The following FAM219A variants were observed in gnomAD, a reference collection of about 807,000 sequenced individuals.
FAM219A encodes family with sequence similarity 219 member A, also known as protein FAM219A.
FAM219A carries 7 observed loss-of-function variants against 23.4 expected under a neutral mutation model. The ratio of observed to expected loss-of-function variants is 0.30; its 90% confidence interval spans 0.17 to 0.56. The LOEUF (loss-of-function observed/expected upper bound fraction) is 0.56. Among genes scored for constraint, FAM219A ranks in the 20% least tolerant of loss-of-function variants. The pLI is 0.92. For missense variants in FAM219A, 166 were observed against 246.9 expected, an observed-to-expected ratio of 0.67 and a Z score of 2.20; for synonymous variants, 93 against 99.0, an observed-to-expected ratio of 0.94 and a Z score of 0.36.
intron 1 of FAM219A, among the ~76,000 whole-genome samples, chr9:34,452,243 A>G (rs1358717168): frequency 1.3e-5 from 2 of 152,084 alleles, no homozygotes; most frequent in African/African-American, 2.4e-5. Flanking sequence ...GACAAATGCC[A>G]CTCTGACCTT....
At chr9:34,419,260 T>C (rs1035009041) in intron 1 of FAM219A, among the ~76,000 whole-genome samples, 11 of 151,916 alleles carry the variant, frequency 7.2e-5, no homozygotes. Context: ...CATATTCAGA[T>C]TCAGACAACA....
In FAM219A at chr9:34,457,826, AG is replaced by A. The variant is rs1352444255; in HGVS notation, c.60+377del. On this transcript the variant is annotated intron_variant, in intron 1 of 5. Transcript: ENST00000651358. The surrounding 1 kb of genome is among the most constrained non-coding windows in gnomAD (Gnocchi z 5.1). Reference sequence around the variant, plus strand: ...CCCGCCCTAAGCATCACAGGCCTCTAGGACTAAACGCCTCCCCACCTCCCAT... The same window carrying A: ...CCCGCCCTAAGCATCACAGGCCTCTAGACTAAACGCCTCCCCACCTCCCAT... Among the ~76,000 whole-genome samples, 1 of 152,060 alleles carries A rather than the reference AG, an allele frequency of 6.6e-6. No homozygotes were observed. Among genetic ancestry groups the A allele is most frequent in the African/African-American group, 2.4e-5 (1 of 41,420 alleles).
At chr9:34,427,476 C>G (rs1199240635) in intron 1 of FAM219A, among the ~76,000 whole-genome samples, 1 of 152,168 alleles carries the variant, frequency 6.6e-6, no homozygotes, top group Non-Finnish European at 1.5e-5. Context: ...AGCCCCTGCT[C>G]CCCCATACAT....
Position 34,400,713 on chromosome 9 carries a change from T to G in FAM219A, c.*251A>C. 2.6e-6 allele frequency: 1 copy of G among 386,050 alleles called. No homozygotes were observed. Among genetic ancestry groups the G allele is most frequent in the Non-Finnish European group, 4.6e-6 (1 of 216,908 alleles). The allele number at this position is 386,050 out of a possible 1,614,324, so 23.9% of individuals were successfully genotyped here. ...GGGTGCTGGGTGAGGTTCCCCCAGG[T>G]AACTGAACAAACGGCCCCCACCCCT... On this transcript the variant is annotated 3_prime_UTR_variant, in exon 6 of 6. Coordinates refer to ENST00000651358, the MANE Select transcript of FAM219A (RefSeq NM_001184940.2).
At chr9:34,403,824 A>C (rs1335064072) in intron 2 of FAM219A, among the ~76,000 whole-genome samples, 1 of 152,232 alleles carries the variant, frequency 6.6e-6, no homozygotes, top group Non-Finnish European at 1.5e-5. Flanking sequence ...CTTTACAGCT[A>C]CTGTGACTCA....
chr9:34,415,544 T>C (rs948744355), intron 1 of FAM219A, among the ~76,000 whole-genome samples: 2 of 152,240 alleles, frequency 1.3e-5, no homozygotes, highest in East Asian at 3.8e-4. Flanking sequence ...TTTCACCACC[T>C]TGAGAAAAAC....
chr9:34,458,383 G>T lies in FAM219A; in HGVS notation c.-120C>A, dbSNP rs930789069. ...CAGACTAGGCCTCCCCGGACCACTC[G>T]GGCGGGCAGGGGCCGGGCGGATGCA... On this transcript the variant is annotated 5_prime_UTR_variant, in exon 1 of 6. Transcript: ENST00000651358. The surrounding 1 kb of genome is among the most constrained non-coding windows in gnomAD (Gnocchi z 6.6). 8.4e-6 allele frequency: 5 copies of T among 592,066 alleles called. No homozygotes were observed. Among genetic ancestry groups the T allele is most frequent in the Non-Finnish European group, 1.2e-5 (5 of 422,346 alleles). 36.7% of individuals were successfully genotyped at this position (592,066 alleles called of 1,614,324 possible). A position where few individuals can be genotyped will look rare whatever the true frequency, so the allele number is the denominator to read the frequency against.
At chr9:34,434,946 AGTAGCTGG>A (rs1241929768) in intron 1 of FAM219A, among the ~76,000 whole-genome samples, 2 of 152,080 alleles carry the variant, frequency 1.3e-5, no homozygotes, top group African/African-American at 2.4e-5. Flanking sequence ...CAGCCTCCCA[AGTAGCTGG>A]GACTACAGGC....
intron 1 of FAM219A, among the ~76,000 whole-genome samples, chr9:34,440,552 A>T (rs988419384): frequency 3.6e-4 from 54 of 150,818 alleles, no homozygotes; most frequent in African/African-American, 1.0e-3. Context: ...TTTTCTTAAT[A>T]AAAAAAAACA....
chr9:34,426,479 TA>T (rs1822477520), intron 1 of FAM219A, among the ~76,000 whole-genome samples: 1 of 152,232 alleles, frequency 6.6e-6, no homozygotes, highest in South Asian at 2.1e-4. Context: ...AGCCCAGCTC[TA>T]GCTAGCTGCA....
Position 34,458,518 on chromosome 9 carries a change from G to A in FAM219A, c.-255C>T. ...CGGGCCGAGCCGCAGGTCTTGCCTCGCCTCCTACTCCGCTGCCGCCTCCTG... is the reference window on the plus strand; with the variant it reads ...CGGGCCGAGCCGCAGGTCTTGCCTCACCTCCTACTCCGCTGCCGCCTCCTG... On this transcript the variant is annotated 5_prime_UTR_variant, in exon 1 of 6. Coordinates refer to ENST00000651358, the MANE Select transcript of FAM219A (RefSeq NM_001184940.2). The surrounding 1 kb of genome is among the most constrained non-coding windows in gnomAD (Gnocchi z 6.6). 1 of 365,962 alleles carries A rather than the reference G, an allele frequency of 2.7e-6. No homozygotes were observed. The highest frequency in any genetic ancestry group is 5.3e-5 in the East Asian group (1 of 18,766). 22.7% of individuals were successfully genotyped at this position (365,962 alleles called of 1,614,324 possible). A position where few individuals can be genotyped will look rare whatever the true frequency, so the allele number is the denominator to read the frequency against.
intron 1 of FAM219A, among the ~76,000 whole-genome samples, chr9:34,412,784 A>G (rs1821870339): frequency 6.6e-6 from 1 of 152,230 alleles, no homozygotes; most frequent in African/African-American, 2.4e-5. Context: ...AGATAAAGAC[A>G]AAATTTAGAA....
At chr9:34,421,847 T>C (rs2131965123) in intron 1 of FAM219A, among the ~76,000 whole-genome samples, 1 of 152,294 alleles carries the variant, frequency 6.6e-6, no homozygotes, top group South Asian at 2.1e-4. Context: ...GGGCATATTA[T>C]TTAAATGCAG....
At chr9:34,445,879 A>C (rs1043275736) in intron 1 of FAM219A, among the ~76,000 whole-genome samples, 5 of 152,228 alleles carry the variant, frequency 3.3e-5, no homozygotes, top group Admixed American at 1.3e-4. Context: ...TACCTTAAAA[A>C]GGAATTAAAG....
intron 1 of FAM219A, among the ~76,000 whole-genome samples, chr9:34,438,156 T>C (rs529518851): frequency 6.6e-6 from 1 of 152,324 alleles, no homozygotes; most frequent in African/African-American, 2.4e-5. Context: ...CTTAGCTGCC[T>C]TCCTGCGGGG....
In FAM219A at chr9:34,399,518, C is replaced by CA; in HGVS notation, c.*1445dup. On this transcript the variant is annotated 3_prime_UTR_variant, in exon 6 of 6. Coordinates refer to ENST00000651358, the MANE Select transcript of FAM219A (RefSeq NM_001184940.2). ...AAACACGTAATCCCAAACAGAGCCACATGTGCTCAGACATACACAGTCCTG... is the reference window on the plus strand; with the variant it reads ...AAACACGTAATCCCAAACAGAGCCACAATGTGCTCAGACATACACAGTCCTG... 6.6e-6 allele frequency: 1 copy of CA among 152,508 alleles called. No homozygotes were observed. The highest frequency in any genetic ancestry group is 1.5e-5 in the Non-Finnish European group (1 of 68,174). The allele number at this position is 152,508 out of a possible 1,614,324, so 9.4% of individuals were successfully genotyped here. A position where few individuals can be genotyped will look rare whatever the true frequency, so the allele number is the denominator to read the frequency against.
chr9:34,406,562 G>A (rs761050373), intron 1 of FAM219A: 10 of 900,062 alleles, frequency 1.1e-5, no homozygotes, highest in Non-Finnish European at 1.3e-5. Flanking sequence ...AGTGTCTCCG[G>A]GGAGAACCTG....
At position 34,401,552 on chromosome 9, in the gene FAM219A, C is replaced by A. The variant is rs1821431418; in HGVS notation, c.399+114G>T. ...AGGCCCACCCTGTGCAGGGCACCAC[C>A]CAGCCTTGCCCAGCCCTCTTTTTCC... On this transcript the variant is annotated intron_variant, in intron 5 of 5. Coordinates refer to ENST00000651358, the MANE Select transcript of FAM219A (RefSeq NM_001184940.2). 1.0e-5 allele frequency: 13 copies of A among 1,240,938 alleles called. No homozygotes were observed. In the South Asian group the frequency reaches 1.8e-4, roughly 17 times the overall value. 76.9% of individuals were successfully genotyped at this position (1,240,938 alleles called of 1,614,324 possible). A position where few individuals can be genotyped will look rare whatever the true frequency, so the allele number is the denominator to read the frequency against.
At chr9:34,447,162 C>T (rs1306345673) in intron 1 of FAM219A, among the ~76,000 whole-genome samples, 1 of 152,254 alleles carries the variant, frequency 6.6e-6, no homozygotes, top group Non-Finnish European at 1.5e-5. Context: ...GAACCATCAT[C>T]TCACTATCCT....
Sources: gnomAD v4.1 joint callset for allele counts (sites outside exome capture counted in the v4.1 genomes callset) on GRCh38, gnomAD v4.1.1 for gene constraint, Gnocchi (gnomAD v3.1) non-coding constraint, MANE v1.5 for transcripts, NCBI Gene and HGNC (gene_info 2026-07-23, HGNC 2026-07-21) for gene names.